The following SS18L2 variants were observed in gnomAD, a reference collection of about 807,000 sequenced individuals.
The protein encoded by SS18L2 is SS18-like protein 2.
A neutral mutation model predicts 10.3 loss-of-function variants in SS18L2; 8 were observed. The ratio of observed to expected loss-of-function variants is 0.78; its 90% CI spans 0.46 to 1.41. SS18L2 has a LOEUF of 1.41. Ranked by LOEUF, SS18L2 falls within the 40% of genes most tolerant of loss-of-function variation. The pLI, the probability that SS18L2 is intolerant of heterozygous loss-of-function variation, is 0.00. For synonymous variants in SS18L2, 41 were observed against 34.6 expected (o/e 1.19, Z -0.65); for missense variants, 100 against 96.2 (o/e 1.04, Z -0.17).
chr3:42,582,336 C>A (rs577479280), intron 1 of SS18L2: 5 of 152,470 alleles, frequency 3.3e-5, no homozygotes, highest in African/African-American at 1.2e-4. Flanking sequence ...GTGATAACGC[C>A]CGGGGCGTAT....
At position 42,584,168 on chromosome 3, in the gene SS18L2, TTC is replaced by T. The variant is rs373030420; in HGVS notation, c.-90+2220_-90+2221del. 3.0e-3 allele frequency among the ~76,000 whole-genome samples: 458 copies of T among 152,300 alleles called. 3 individuals carry two copies. The highest frequency in any genetic ancestry group is 0.011 in the African/African-American group (439 of 41,562). On this transcript the variant is annotated intron_variant, in intron 1 of 3. Coordinates refer to the SS18L2 transcript ENST00000447630. ...TGTAGATATATAGATATCACATTGG[TTC>T]TCTCTCTCTGGAGAACCTTGACTAA...
chr3:42,588,343 T>C (rs1704692834), upstream of SS18L2, among the ~76,000 whole-genome samples: 1 of 151,972 alleles, frequency 6.6e-6, no homozygotes, highest in African/African-American at 2.4e-5. Flanking sequence ...AGGTGGAGGT[T>C]ACAGTGAGCT....
At position 42,594,443 on chromosome 3, in the gene SS18L2, A is replaced by G. The variant is rs138199530; in HGVS notation, c.168A>G (p.Arg56=). The G allele has an allele frequency of 8.1e-5, 130 of 1,613,954 alleles. 1 individual carries two copies. The Middle Eastern group carries it at 1.5e-3, about 18-fold the overall frequency. ...ECVQYQHVLH[R]NLIYLATIAD... ...ATAGGTACCAGCATGTGTTACATAG[A>G]AATCTCATTTATTTGGCTACCATTG... is the stretch of plus-strand genomic sequence containing the variant. Residue 56 remains arginine, a synonymous_variant, in exon 3 of 3, where the codon AGA becomes AGG. Coordinates refer to ENST00000011691, the MANE Select transcript of SS18L2 (RefSeq NM_001370300.1).
intron 1 of SS18L2, chr3:42,591,234 C>G (rs1228963845): frequency 1.7e-6 from 1 of 574,214 alleles, no homozygotes; most frequent in African/African-American, 2.0e-5. Context: ...GAGTCCCGCT[C>G]TGTCGCCCAG....
intron 2 of SS18L2, among the ~76,000 whole-genome samples, chr3:42,593,288 G>A (rs1201720314): frequency 1.3e-5 from 2 of 152,094 alleles, no homozygotes; most frequent in Non-Finnish European, 2.9e-5. Context: ...GGCGTGGTGT[G>A]TGCCTGTAAT....
chr3:42,591,131 G>C (rs1458357119), intron 1 of SS18L2, 165 bp downstream of exon 1: 1 of 720,718 alleles, frequency 1.4e-6, no homozygotes, highest in Non-Finnish European at 2.4e-6. Context: ...CACAGGCGCC[G>C]GGGCAGGACC....
chr3:42,591,359 C>T (rs931444586), intron 1 of SS18L2, 166 bp from the exon 2 acceptor site: 7 of 607,684 alleles, frequency 1.2e-5, no homozygotes, highest in Non-Finnish European at 2.1e-5. Context: ...ACGCCACTCC[C>T]GGCTAATTTT....
At chr3:42,592,907 T>TTG (rs1313823124) in intron 2 of SS18L2, among the ~76,000 whole-genome samples, 1 of 152,028 alleles carries the variant, frequency 6.6e-6, no homozygotes. Context: ...TGAAAATGTT[T>TTG]TGTCCCTTCT....
rs1236422600 is a variant in SS18L2 at position 42,594,981 on chromosome 3, A to G, written c.*472A>G. The G allele has an allele frequency of 6.5e-6, 1 of 152,706 alleles. No homozygotes were observed. The highest frequency in any genetic ancestry group is 1.9e-4 in the East Asian group (1 of 5,202). 9.5% of individuals were successfully genotyped at this position (152,706 alleles called of 1,614,324 possible). On this transcript the variant is annotated 3_prime_UTR_variant, in exon 3 of 3. Transcript: ENST00000011691. Reference sequence around the variant, plus strand: ...TTCAGATTGCTTTGAAATAAAGCTTATTTTTCTATAAAATACTGATGTGGA... The same window carrying G: ...TTCAGATTGCTTTGAAATAAAGCTTGTTTTTCTATAAAATACTGATGTGGA...
chr3:42,590,919 G>T lies in SS18L2; in HGVS notation c.22G>T (p.Asp8Tyr). MSVAFVP[D>Y]WLRGKAEVNQ... The stretch of plus-strand genomic sequence containing the variant: ...CGGGATGTCGGTGGCCTTCGTACCG[G>T]ACTGGCTGAGGGGCAAGGCGGAAGT... Residue 8 changes from aspartate to tyrosine, a missense_variant, in exon 1 of 3, where the codon GAC becomes TAC. Asp to Tyr is a radical substitution (Grantham distance 160). Coordinates refer to ENST00000011691, the MANE Select transcript of SS18L2 (RefSeq NM_001370300.1). 1 of 1,609,574 alleles carries T rather than the reference G, an allele frequency of 6.2e-7. No individual in the cohort carries two copies. Among genetic ancestry groups the T allele is most frequent in the Non-Finnish European group, 8.5e-7 (1 of 1,177,778 alleles).
At chr3:42,590,767 G>A, upstream of SS18L2, 2 of 935,358 alleles carry the variant, frequency 2.1e-6, no homozygotes. Context: ...GCTCTTGCGC[G>A]TCCAGTCACA....
chr3:42,593,212 A>G (rs969386806), intron 2 of SS18L2, among the ~76,000 whole-genome samples: 4 of 152,178 alleles, frequency 2.6e-5, no homozygotes, highest in South Asian at 4.1e-4. Context: ...CAGGAGTTCA[A>G]TACCAGCCTG....
At position 42,590,872 on chromosome 3, in the gene SS18L2, G is replaced by C. The variant is rs773866808; in HGVS notation, c.-26G>C. 6.2e-6 allele frequency: 10 copies of C among 1,613,634 alleles called. 1 individual carries two copies. The highest frequency in any genetic ancestry group is 1.6e-4 in the Middle Eastern group (1 of 6,084). ...CCTATCGTGGGTCGAGTTGCTTGGC[G>C]GTCGTGGTTCCGGAGGTTCCTCGGG... On this transcript the variant is annotated 5_prime_UTR_variant, in exon 1 of 3. Coordinates refer to ENST00000011691, the MANE Select transcript of SS18L2 (RefSeq NM_001370300.1).
chr3:42,582,766 G>A (rs1360561455), intron 1 of SS18L2, among the ~76,000 whole-genome samples: 1 of 152,206 alleles, frequency 6.6e-6, no homozygotes, highest in East Asian at 1.9e-4. Flanking sequence ...CTAGGCAAAG[G>A]GGAGAGGAAG....
upstream of SS18L2, among the ~76,000 whole-genome samples, chr3:42,589,231 T>G (rs1704727266): frequency 6.6e-6 from 1 of 151,438 alleles, no homozygotes; most frequent in Non-Finnish European, 1.5e-5. Flanking sequence ...ATCACACCAC[T>G]GCACTCCAGC....
At chr3:42,591,435 C>A in intron 1 of SS18L2, 90 bp from the exon 2 acceptor site, 1 of 905,570 alleles carries the variant, frequency 1.1e-6, no homozygotes, top group Non-Finnish European at 1.8e-6. Flanking sequence ...CCTCGTGATC[C>A]GCCTAGATCG....
At position 42,595,293 on chromosome 3, in the gene SS18L2, TTTTC is replaced by T. The variant is rs1229011490; in HGVS notation, c.*788_*791del. ...TTAAAGAATACTTAATAGTTCCTTT[TTTTC>T]TTTATTTGTTGAAATAACTAGGTGT... On this transcript the variant is annotated 3_prime_UTR_variant, in exon 3 of 3. Coordinates refer to ENST00000011691, the MANE Select transcript of SS18L2 (RefSeq NM_001370300.1). Among the ~76,000 whole-genome samples, 4 of 152,226 alleles carry T rather than the reference TTTTC, an allele frequency of 2.6e-5. No homozygotes were observed. Among genetic ancestry groups the T allele is most frequent in the African/African-American group, 9.6e-5 (4 of 41,464 alleles).
At chr3:42,586,474 C>G (rs965053537), upstream of SS18L2, among the ~76,000 whole-genome samples, 1 of 151,998 alleles carries the variant, frequency 6.6e-6, no homozygotes, top group African/African-American at 2.4e-5. Context: ...CTGCCTACCT[C>G]GGCCTCCCAA....
chr3:42,585,140 CAAAA>C (rs1704569947), intron 1 of SS18L2, among the ~76,000 whole-genome samples: 1 of 151,934 alleles, frequency 6.6e-6, no homozygotes, highest in South Asian at 2.1e-4. Context: ...AAAAAACAAA[CAAAA>C]CAAAACAAAA....
Sources: gnomAD v4.1 joint callset for allele counts (sites outside exome capture counted in the v4.1 genomes callset) on GRCh38, gnomAD v4.1.1 for gene constraint, MANE v1.5 for transcripts, NCBI Gene and HGNC (gene_info 2026-07-23, HGNC 2026-07-21) for gene names.